The following ATP6V0A1 variants were observed in gnomAD, a reference collection of about 807,000 sequenced individuals.
The protein encoded by ATP6V0A1 is V-type proton ATPase 116 kDa subunit a 1.
ATP6V0A1 carries 43 observed loss-of-function variants against 105.4 expected under a neutral mutation model. The observed-to-expected ratio is 0.41, with a 90% CI of 0.32 to 0.53. The LOEUF (loss-of-function observed/expected upper bound fraction) is 0.53. Ranked by LOEUF, ATP6V0A1 falls within the 20% of genes least tolerant of loss-of-function variation. The pLI, the probability that ATP6V0A1 is intolerant of heterozygous loss-of-function variation, is 0.30. For missense variants in ATP6V0A1, 676 were observed against 1,051.1 expected (o/e 0.64, Z 4.93); for synonymous variants, 362 against 372.8 (o/e 0.97, Z 0.33).
chr17:42,509,813 A>G (rs1363521328), intron 19 of ATP6V0A1: 1 of 152,226 alleles, frequency 6.6e-6, no homozygotes, highest in East Asian at 1.9e-4. Context: ...ATAGACTCTA[A>G]TTCAGCCTCC....
Position 42,469,146 on chromosome 17 carries a change from C to A in ATP6V0A1, c.295-944C>A, listed in dbSNP as rs2087513051. Among the ~76,000 whole-genome samples, 3 of 152,048 alleles carry A rather than the reference C, an allele frequency of 2.0e-5. No individual in the cohort carries two copies. The South Asian group carries it at 6.2e-4, about 32-fold the overall frequency. ...TACAGGTGTGAGCTACCACACCTGG[C>A]CTATCTACTAGTTGGTTAATCTTGC... On this transcript the variant is annotated intron_variant, in intron 4 of 21. Coordinates refer to ENST00000343619, the MANE Select transcript of ATP6V0A1 (RefSeq NM_001130021.3).
chr17:42,481,341 G>T (rs12453975), intron 8 of ATP6V0A1: 53,182 of 151,276 alleles, frequency 0.35, 10,163 homozygotes, highest in East Asian at 0.57. Flanking sequence ...CCAGCCACCC[G>T]AGTAGTTGGG....
intron 3 of ATP6V0A1, among the ~76,000 whole-genome samples, chr17:42,466,885 C>T (rs757341190): frequency 6.6e-6 from 1 of 152,180 alleles, no homozygotes; most frequent in African/African-American, 2.4e-5. Context: ...CGGTGGCTCA[C>T]ACCTGTAATC....
At position 42,466,522 on chromosome 17, in the gene ATP6V0A1, G is replaced by T. The variant is rs2087079184; in HGVS notation, c.196+15G>T. On this transcript the variant is annotated intron_variant, in intron 3 of 21. Coordinates refer to ENST00000343619, the MANE Select transcript of ATP6V0A1 (RefSeq NM_001130021.3). ...TCGAAAGCTTCGTATGTGCACTTTGGTCTTGTGTAATGTTCCTTTAATGAA... is the reference window on the plus strand; with the variant it reads ...TCGAAAGCTTCGTATGTGCACTTTGTTCTTGTGTAATGTTCCTTTAATGAA... The T allele has an allele frequency of 1.2e-6, 2 of 1,604,964 alleles. No homozygotes were observed. The highest frequency in any genetic ancestry group is 3.3e-5 in the Admixed American group (2 of 59,952).
At chr17:42,513,543 G>C (rs1457188165) in intron 19 of ATP6V0A1, 1 of 269,308 alleles carries the variant, frequency 3.7e-6, no homozygotes, top group Non-Finnish European at 7.2e-6. Context: ...TGAGCACAGA[G>C]CCCCAGAGGG....
chr17:42,471,675 A>G (rs945741063), intron 5 of ATP6V0A1, among the ~76,000 whole-genome samples: 2 of 152,078 alleles, frequency 1.3e-5, no homozygotes, highest in African/African-American at 2.4e-5. Context: ...CAGAGGTTGC[A>G]GTGAGCGGAG....
At chr17:42,494,751 A>G (rs2090999094) in intron 12 of ATP6V0A1, 2 of 471,124 alleles carry the variant, frequency 4.2e-6, no homozygotes, top group African/African-American at 3.9e-5. Context: ...CTAAAAAAAT[A>G]AAAATTATTT....
At chr17:42,484,432 A>G (rs1394101884) in intron 9 of ATP6V0A1, among the ~76,000 whole-genome samples, 1 of 152,194 alleles carries the variant, frequency 6.6e-6, no homozygotes, top group South Asian at 2.1e-4. Flanking sequence ...CTAAAAATAC[A>G]TGAGTAGTCA....
At chr17:42,483,191 C>A in intron 9 of ATP6V0A1, 60 bp downstream of exon 9, 1 of 1,286,146 alleles carries the variant, frequency 7.8e-7, no homozygotes, top group Non-Finnish European at 1.0e-6. Flanking sequence ...AGACCATTAT[C>A]CTTCCTTGAA....
chr17:42,470,242 A>G lies in ATP6V0A1; in HGVS notation c.423+24A>G, dbSNP rs376187602. 3.9e-5 allele frequency: 62 copies of G among 1,609,290 alleles called. No homozygotes were observed. The African/African-American group carries it at 7.9e-4, about 20-fold the overall frequency. On this transcript the variant is annotated intron_variant, in intron 5 of 21. Coordinates refer to ENST00000343619, the MANE Select transcript of ATP6V0A1 (RefSeq NM_001130021.3). ...AGGTCAGACTATTGTTTCTTTTAGT[A>G]TTTGAGCAGCTGATATTATACTCAC...
chr17:42,490,340 A>G, intron 10 of ATP6V0A1, 147 bp from the exon 11 acceptor site: 1 of 651,354 alleles, frequency 1.5e-6, no homozygotes, highest in Non-Finnish European at 2.3e-6. Context: ...TAGGTTTATT[A>G]GTTTTATTGA....
rs1289993697 is a variant in ATP6V0A1, at chr17:42,483,551, G to A, written c.810+420G>A. ...GCCTCCTGAGTAGCTGGGATTACAG[G>A]CATGTGCCACCATGCCCGACTAATT... is the stretch of plus-strand genomic sequence containing the variant. On this transcript the variant is annotated intron_variant, in intron 9 of 21. Transcript: ENST00000343619. Among the ~76,000 whole-genome samples, 3 of 152,040 alleles carry A rather than the reference G, an allele frequency of 2.0e-5. No homozygotes were observed. In the East Asian group the frequency reaches 5.8e-4, roughly 29 times the overall value.
At position 42,487,248 on chromosome 17, in the gene ATP6V0A1, G is replaced by T. The variant is rs776786992; in HGVS notation, c.904G>T (p.Ala302Ser). 1.9e-6 allele frequency: 3 copies of T among 1,613,976 alleles called. No individual in the cohort carries two copies. Among genetic ancestry groups the T allele is most frequent in the Non-Finnish European group, 2.5e-6 (3 of 1,180,014 alleles). The change falls in exon 10 of 22, where the codon GCC becomes TCC. Residue 302 changes from alanine (A) to serine (S), a missense_variant. By Grantham distance (99) the Ala-to-Ser change is moderately conservative. Transcript: ENST00000343619. ...GTTCATCAAAGTGCGGAAGATGAAG[G>T]CCATCTATCACACCCTGAACCTGTG... ...VWFIKVRKMK[A>S]IYHTLNLCNI...
At chr17:42,479,372 T>C (rs2089202688) in intron 7 of ATP6V0A1, among the ~76,000 whole-genome samples, 1 of 152,216 alleles carries the variant, frequency 6.6e-6, no homozygotes, top group South Asian at 2.1e-4. Context: ...AGGATGATCT[T>C]CCCCACCCAG....
intron 21 of ATP6V0A1, among the ~76,000 whole-genome samples, chr17:42,515,098 C>T (rs764546777): frequency 6.6e-6 from 1 of 152,076 alleles, no homozygotes; most frequent in Non-Finnish European, 1.5e-5. Flanking sequence ...TGAGTTCAGC[C>T]TCTGGGACTG....
chr17:42,480,432 T>G (rs2089344285), intron 7 of ATP6V0A1: 3 of 398,648 alleles, frequency 7.5e-6, no homozygotes, highest in Admixed American at 4.3e-5. Context: ...AGCTTCAAGC[T>G]CCTGGTTGAG....
intron 21 of ATP6V0A1, chr17:42,520,604 A>C (rs1231385307): frequency 2.2e-6 from 1 of 457,448 alleles, no homozygotes; most frequent in Non-Finnish European, 4.4e-6. Context: ...CCCCCAAGGA[A>C]AAATAACAAG....
chr17:42,487,096 C>G (rs2145926040), intron 9 of ATP6V0A1, 59 bp from the exon 10 acceptor site: 1 of 1,531,224 alleles, frequency 6.5e-7, no homozygotes, highest in Non-Finnish European at 9.0e-7. Flanking sequence ...GCCATTCATA[C>G]CCTGAGATCT....
At chr17:42,503,737 T>G (rs1340538930) in intron 17 of ATP6V0A1, among the ~76,000 whole-genome samples, 1 of 152,206 alleles carries the variant, frequency 6.6e-6, no homozygotes, top group East Asian at 1.9e-4. Flanking sequence ...CTTCATTAAG[T>G]GTTTCTGATG....
Sources: allele counts gnomAD v4.1 joint callset (sites outside exome capture counted in the v4.1 genomes callset), GRCh38; gene constraint gnomAD v4.1.1; transcripts MANE v1.5; gene names NCBI Gene and HGNC (gene_info 2026-07-23, HGNC 2026-07-21).